Variants in ANKRD30B observed in about 807,000 individuals in gnomAD.
The protein encoded by ANKRD30B is ankyrin repeat domain-containing protein 30B.
ANKRD30B carries 144 observed loss-of-function variants against 202.2 expected under a neutral mutation model. The ratio of observed to expected loss-of-function variants is 0.71; its 90% CI spans 0.62 to 0.82. The LOEUF is 0.82. Among genes scored for constraint, ANKRD30B ranks in the 40% least tolerant of loss-of-function variants. ANKRD30B has a pLI of 0.00. For missense variants in ANKRD30B, 1,487 were observed against 1,669.1 expected (o/e 0.89, Z 1.90); for synonymous variants, 508 against 561.3 (o/e 0.91, Z 1.34).
At chr18:14,768,607 T>A (rs1172259334) in intron 7 of ANKRD30B, among the ~76,000 whole-genome samples, 1 of 152,188 alleles carries the variant, frequency 6.6e-6, no homozygotes. Context: ...TGTTTGCTTA[T>A]TTTTTGGTGG....
the ANKRD30B span, among the ~76,000 whole-genome samples, chr18:14,927,809 G>A: frequency 2.6e-5 from 4 of 152,180 alleles, no homozygotes; most frequent in African/African-American, 9.7e-5. Context: ...GATGCCAAGA[G>A]TCTTATACCA....
At chr18:14,810,703 G>T (rs1969868239) in intron 28 of ANKRD30B, among the ~76,000 whole-genome samples, 1 of 151,032 alleles carries the variant, frequency 6.6e-6, no homozygotes, top group East Asian at 1.9e-4. Flanking sequence ...CACTGTTTTA[G>T]AAGTGTGACT....
rs1314199113 is a variant in ANKRD30B, at chr18:14,830,516, T to C, written c.2775-867T>C. Among the ~76,000 whole-genome samples, 5 of 152,304 alleles carry C rather than the reference T, an allele frequency of 3.3e-5. No individual in the cohort carries two copies. In the East Asian group the frequency reaches 7.7e-4, roughly 24 times the overall value. ...TCAGATATTTCAGGGCACTCTCTTG[T>C]AGCGTTTTAGGGTGAAGGGAAGCAA... On this transcript the variant is annotated intron_variant, in intron 33 of 43. Coordinates refer to ENST00000690538, the MANE Select transcript of ANKRD30B (RefSeq NM_001367607.2).
chr18:14,807,109 TC>T (rs1249025622), intron 24 of ANKRD30B, among the ~76,000 whole-genome samples: 7 of 150,998 alleles, frequency 4.6e-5, no homozygotes, highest in Middle Eastern at 3.4e-3. Flanking sequence ...AGAGTTTATG[TC>T]CCCTGAAGTG....
chr18:14,748,578 G>A lies in ANKRD30B; in HGVS notation c.159G>A (p.Lys53=), dbSNP rs1405498493. Residue 53 remains lysine (K), a synonymous_variant, in exon 1 of 44, where the codon AAG becomes AAA. Transcript: ENST00000690538. ...HTAASRGQVQ[K]LEKMTVGKKP... ...CTGCCTCCCGGGGCCAAGTCCAGAA[G>A]CTGGAGAAGATGACAGTAGGGAAGA... The A allele has an allele frequency of 6.4e-7, 1 of 1,564,162 alleles. No individual in the cohort carries two copies. The highest frequency in any genetic ancestry group is 1.7e-4 in the Middle Eastern group (1 of 6,010).
chr18:14,920,741 G>A, the ANKRD30B span, among the ~76,000 whole-genome samples: 79,772 of 152,052 alleles, frequency 0.52, 21,268 homozygotes, highest in African/African-American at 0.6. Flanking sequence ...GTCCTCTTCA[G>A]GTGGTTTTTG....
At chr18:14,798,044 A>T (rs1568023939) in intron 20 of ANKRD30B, among the ~76,000 whole-genome samples, 190 bp downstream of exon 20, 1 of 152,140 alleles carries the variant, frequency 6.6e-6, no homozygotes, top group Non-Finnish European at 1.5e-5. Context: ...GAGATAAAAA[A>T]ATTCAGCTTT....
chr18:14,797,069 A>G (rs1450883557), intron 18 of ANKRD30B, among the ~76,000 whole-genome samples: 1 of 152,200 alleles, frequency 6.6e-6, no homozygotes, highest in Non-Finnish European at 1.5e-5. Context: ...CAAACAATCC[A>G]TAGAAACAGG....
At chr18:14,916,040 T>C in the ANKRD30B span, among the ~76,000 whole-genome samples, 4 of 152,226 alleles carry the variant, frequency 2.6e-5, no homozygotes, top group Non-Finnish European at 5.9e-5. Context: ...CTGTAGATTT[T>C]GGTATCTGGA....
the ANKRD30B span, among the ~76,000 whole-genome samples, chr18:14,875,467 A>C: frequency 3.3e-5 from 5 of 152,112 alleles, no homozygotes; most frequent in African/African-American, 1.2e-4. Flanking sequence ...TTATGGGCCC[A>C]AACACTTATT....
intron 5 of ANKRD30B, among the ~76,000 whole-genome samples, chr18:14,760,213 G>A (rs1051011063): frequency 6.6e-6 from 1 of 152,162 alleles, no homozygotes; most frequent in Admixed American, 6.5e-5. Context: ...AGAAGACATT[G>A]AGCCTAAGAG....
intron 33 of ANKRD30B, chr18:14,830,251 A>G (rs1970846403): frequency 6.5e-6 from 1 of 154,096 alleles, no homozygotes; most frequent in Non-Finnish European, 1.5e-5. Context: ...TATATATAGT[A>G]CTTAGAGAAA....
intron 39 of ANKRD30B, among the ~76,000 whole-genome samples, chr18:14,843,725 C>T (rs375359911): frequency 5.5e-4 from 78 of 141,942 alleles, no homozygotes; most frequent in Admixed American, 1.1e-3. Context: ...ACCCTGGAGG[C>T]GGAGCTTGCA....
rs555751326 is a variant in ANKRD30B, at chr18:14,850,224, A to C, written c.3406A>C (p.Asn1136His). 635 of 1,548,996 alleles carry C rather than the reference A, an allele frequency of 4.1e-4. 1 individual carries two copies. Among genetic ancestry groups the C allele is most frequent in the Middle Eastern group, 5.2e-4 (3 of 5,778 alleles). The stretch of plus-strand genomic sequence containing the variant: ...TATGTTTAATGGCAGATTGACTTTA[A>C]ATCAAGAAGAAGAGAAGAGAAGAAA... Reference protein sequence around the residue: ...QELCSVRLTLNQEEEKRRNVD... With the variant: ...QELCSVRLTLHQEEEKRRNVD... Residue 1136 changes from asparagine (N) to histidine (H), a missense_variant, in exon 41 of 44, where the codon AAT (asparagine) becomes CAT (histidine). This residue lies in a region of ANKRD30B where 177 missense variants were observed against 216.4 expected (regional missense o/e 0.82). Coordinates refer to ENST00000690538, the MANE Select transcript of ANKRD30B (RefSeq NM_001367607.2).
chr18:14,782,631 A>AT lies in ANKRD30B; in HGVS notation c.1570+20dup. ...AAGTAGAAGGTAAGAACAACTTTTT[A>AT]TTTGAAAAGTCTTTTAACCATATGT... is the stretch of plus-strand genomic sequence containing the variant. On this transcript the variant is annotated intron_variant, in intron 12 of 43. Coordinates refer to ENST00000690538, the MANE Select transcript of ANKRD30B (RefSeq NM_001367607.2). 2.0e-6 allele frequency: 3 copies of AT among 1,511,312 alleles called. No homozygotes were observed. The highest frequency in any genetic ancestry group is 2.7e-6 in the Non-Finnish European group (3 of 1,117,900). 93.6% of individuals were successfully genotyped at this position (1,511,312 alleles called of 1,614,324 possible). A position where few individuals can be genotyped will look rare whatever the true frequency, so the allele number is the denominator to read the frequency against.
At chr18:14,751,013 G>A (rs984648779) in intron 1 of ANKRD30B, among the ~76,000 whole-genome samples, 1 of 151,900 alleles carries the variant, frequency 6.6e-6, no homozygotes, top group East Asian at 1.9e-4. Flanking sequence ...GCAGCAATAT[G>A]TATTTTGCAC....
chr18:14,914,271 G>C, the ANKRD30B span, among the ~76,000 whole-genome samples: 1 of 152,182 alleles, frequency 6.6e-6, no homozygotes, highest in Non-Finnish European at 1.5e-5. Flanking sequence ...CCATGGCCTA[G>C]CTGATTTTAG....
chr18:14,851,919 A>G lies in ANKRD30B; in HGVS notation c.3975A>G (p.Ala1325=). 6.2e-7 allele frequency: 1 copy of G among 1,604,024 alleles called. No individual in the cohort carries two copies. Among genetic ancestry groups the G allele is most frequent in the Non-Finnish European group, 8.5e-7 (1 of 1,174,208 alleles). Residue 1325 remains alanine, a synonymous_variant, in exon 42 of 44, where the codon GCA becomes GCG. Coordinates refer to ENST00000690538, the MANE Select transcript of ANKRD30B (RefSeq NM_001367607.2). ...ACCAAGAACTTGCTTTCCACAGTGC[A>G]GGAGATGCTCCTTTGCAAGGAATAA... is the stretch of plus-strand genomic sequence containing the variant. ...RKNQELAFHS[A]GDAPLQGIMN...
chr18:14,776,996 TATGC>T (rs1359769357), intron 9 of ANKRD30B, among the ~76,000 whole-genome samples: 1 of 152,234 alleles, frequency 6.6e-6, no homozygotes, highest in Admixed American at 6.5e-5. Flanking sequence ...ATTCTATAAT[TATGC>T]ATATGTCAAG....
Sources: gnomAD v4.1 joint callset for allele counts (sites outside exome capture counted in the v4.1 genomes callset) on GRCh38, gnomAD v4.1.1 for gene constraint, gnomAD v4.1.1 regional missense constraint, MANE v1.5 for transcripts, NCBI Gene and HGNC (gene_info 2026-07-23, HGNC 2026-07-21) for gene names.